Variants in NELL2 observed in about 807,000 individuals in gnomAD.
NELL2 encodes the protein neural EGFL like 2.
Under a neutral mutation model 109.6 loss-of-function variants are expected in NELL2, and 41 were observed. The ratio of observed to expected loss-of-function variants is 0.37; its 90% CI spans 0.29 to 0.49. NELL2 has a LOEUF of 0.49. Among genes scored for constraint, NELL2 ranks in the 20% least tolerant of loss-of-function variants. NELL2 has a pLI of 0.98. For synonymous variants in NELL2, 355 were observed against 344.7 expected (o/e 1.03, Z -0.33); for missense variants, 900 against 1,008.3 (o/e 0.89, Z 1.45).
chr12:44,887,676 T>G (rs911309248), intron 1 of NELL2, among the ~76,000 whole-genome samples: 2 of 150,832 alleles, frequency 1.3e-5, no homozygotes, highest in Admixed American at 6.6e-5. Context: ...TGTTGTTGTT[T>G]TTGTTGTTGT....
At chr12:44,540,114 G>A (rs1283027659) in intron 15 of NELL2, among the ~76,000 whole-genome samples, 1 of 152,132 alleles carries the variant, frequency 6.6e-6, no homozygotes, top group East Asian at 1.9e-4. Flanking sequence ...TTATATACCT[G>A]TTTAATTATA....
At chr12:44,652,065 T>C (rs937388420) in intron 13 of NELL2, among the ~76,000 whole-genome samples, 3 of 152,190 alleles carry the variant, frequency 2.0e-5, no homozygotes, top group Admixed American at 6.5e-5. Context: ...TAAATCCCCA[T>C]TGAGAGCTAA....
intron 2 of NELL2, among the ~76,000 whole-genome samples, chr12:44,824,658 GTTATTTATTTATTTATTTAT>G (rs143236607): frequency 0.14 from 19,829 of 140,516 alleles, 1,610 homozygotes; most frequent in East Asian, 0.23. Flanking sequence ...GTTTTGTAGT[GTTATTTATTTATTTATTTAT>G]TTATTTATTT....
At chr12:44,917,672 T>C (rs765522349), upstream of NELL2, among the ~76,000 whole-genome samples, 2 of 152,348 alleles carry the variant, frequency 1.3e-5, no homozygotes, top group Admixed American at 6.5e-5. Flanking sequence ...CCCAAATCAG[T>C]TGATTTCAAG....
At chr12:44,621,784 G>A (rs960925158) in intron 13 of NELL2, among the ~76,000 whole-genome samples, 11 of 152,010 alleles carry the variant, frequency 7.2e-5, no homozygotes, top group African/African-American at 2.7e-4. Context: ...ATAAACATTT[G>A]ATCATCACAG....
intron 9 of NELL2, among the ~76,000 whole-genome samples, chr12:44,742,444 C>A (rs1406136562): frequency 1.3e-5 from 2 of 152,214 alleles, no homozygotes; most frequent in Non-Finnish European, 2.9e-5. Context: ...AGCAATGAAA[C>A]AAAGCTGGAC....
intron 15 of NELL2, among the ~76,000 whole-genome samples, chr12:44,585,510 G>GA (rs930169966): frequency 1.3e-5 from 2 of 151,214 alleles, no homozygotes; most frequent in South Asian, 2.1e-4. Flanking sequence ...GCTGAGGCAG[G>GA]AAAAAAAATA....
chr12:44,627,505 C>T (rs1052403144), intron 13 of NELL2, among the ~76,000 whole-genome samples: 8 of 150,262 alleles, frequency 5.3e-5, no homozygotes, highest in Admixed American at 6.6e-5. Context: ...CGCTGTACAA[C>T]GAACTTATTA....
At chr12:44,738,877 T>A (rs1485322178) in intron 9 of NELL2, among the ~76,000 whole-genome samples, 1 of 152,196 alleles carries the variant, frequency 6.6e-6, no homozygotes, top group Non-Finnish European at 1.5e-5. Flanking sequence ...TAGTGAATCA[T>A]TTTGCAATGT....
intron 9 of NELL2, among the ~76,000 whole-genome samples, chr12:44,745,252 C>CA (rs892073961): frequency 7.3e-6 from 1 of 137,180 alleles, no homozygotes; most frequent in African/African-American, 3.6e-5. Context: ...AATTCAACAA[C>CA]CTTCATGCTA....
chr12:44,523,239 T>C (rs1411357135), intron 17 of NELL2, 52 bp downstream of exon 17: 6 of 1,582,718 alleles, frequency 3.8e-6, no homozygotes, highest in Non-Finnish European at 5.2e-6. Flanking sequence ...ACTTAAAACA[T>C]ATGCAAATTA....
intron 9 of NELL2, among the ~76,000 whole-genome samples, chr12:44,736,765 A>G (rs1344687308): frequency 6.6e-6 from 1 of 152,160 alleles, no homozygotes; most frequent in Non-Finnish European, 1.5e-5. Context: ...ATAATTTTAT[A>G]TAAGAATTAT....
intron 2 of NELL2, among the ~76,000 whole-genome samples, chr12:44,866,939 A>G (rs1406171579): frequency 6.6e-6 from 1 of 152,086 alleles, no homozygotes; most frequent in East Asian, 1.9e-4. Flanking sequence ...CCAAGACAAA[A>G]TCATGAAAAA....
At chr12:44,677,086 T>C (rs1948345120) in intron 12 of NELL2, among the ~76,000 whole-genome samples, 2 of 151,994 alleles carry the variant, frequency 1.3e-5, no homozygotes, top group Non-Finnish European at 2.9e-5. Flanking sequence ...CATCTAAGCA[T>C]AGGACTAAAG....
At chr12:44,544,075 C>T (rs74085095) in intron 15 of NELL2, among the ~76,000 whole-genome samples, 6,772 of 152,010 alleles carry the variant, frequency 0.045, 510 homozygotes, top group African/African-American at 0.15. Flanking sequence ...GCAGAACCAA[C>T]ATCTTTACAT....
chr12:44,592,667 G>A (rs149276592), intron 15 of NELL2, among the ~76,000 whole-genome samples: 164 of 152,154 alleles, frequency 1.1e-3, no homozygotes, highest in African/African-American at 3.8e-3. Context: ...CAGTCTCTGG[G>A]GACAGAAGCC....
At chr12:44,694,710 T>C (rs1949005885) in intron 12 of NELL2, among the ~76,000 whole-genome samples, 1 of 151,940 alleles carries the variant, frequency 6.6e-6, no homozygotes, top group Non-Finnish European at 1.5e-5. Flanking sequence ...CCCTAATTAA[T>C]CCCATAGAGC....
intron 13 of NELL2, among the ~76,000 whole-genome samples, chr12:44,652,963 G>A (rs534177126): frequency 1.6e-4 from 25 of 152,264 alleles, no homozygotes; most frequent in African/African-American, 5.8e-4. Flanking sequence ...TCCCTCTTAA[G>A]TTTCTTCTAA....
At chr12:44,911,723 C>T (rs567066635) in intron 1 of NELL2, among the ~76,000 whole-genome samples, 1 of 151,154 alleles carries the variant, frequency 6.6e-6, no homozygotes, top group South Asian at 2.1e-4. Flanking sequence ...TTCGAGTCAC[C>T]GATAAACAAG....
Sources: allele counts gnomAD v4.1 joint callset (sites outside exome capture counted in the v4.1 genomes callset), GRCh38; gene constraint gnomAD v4.1.1; transcripts MANE v1.5; gene names NCBI Gene and HGNC (gene_info 2026-07-23, HGNC 2026-07-21).